Variants in SLC4A4 observed in about 807,000 individuals in gnomAD.
SLC4A4 encodes the protein solute carrier family 4 member 4.
SLC4A4 carries 27 observed loss-of-function variants against 111.5 expected under a neutral mutation model. The observed-to-expected ratio is 0.24, with a 90% CI of 0.18 to 0.33. The LOEUF is 0.33. Ranked by LOEUF, SLC4A4 falls within the 10% of genes least tolerant of loss-of-function variation. SLC4A4 has a pLI of 1.00. For synonymous variants in SLC4A4, 443 were observed against 463.4 expected (o/e 0.96, Z 0.57); for missense variants, 909 against 1,315.5 (o/e 0.69, Z 4.78).
At chr4:71,502,472 T>G (rs1731039563) in intron 16 of SLC4A4, among the ~76,000 whole-genome samples, 1 of 152,198 alleles carries the variant, frequency 6.6e-6, no homozygotes, top group Non-Finnish European at 1.5e-5. Flanking sequence ...TGCTATAAAT[T>G]TCACTCTTAG....
intron 6 of SLC4A4, among the ~76,000 whole-genome samples, chr4:71,392,347 T>C (rs1719368659): frequency 6.6e-6 from 1 of 152,092 alleles, no homozygotes; most frequent in South Asian, 2.1e-4. Context: ...TATGATAGTT[T>C]AGAGCAGTAG....
At chr4:71,476,698 T>C (rs1728402798) in intron 14 of SLC4A4, among the ~76,000 whole-genome samples, 1 of 151,750 alleles carries the variant, frequency 6.6e-6, no homozygotes, top group African/African-American at 2.4e-5. Context: ...CTTTTCTAAA[T>C]GCACTTTTTT....
chr4:71,338,803 A>G (rs1179219546), intron 3 of SLC4A4, among the ~76,000 whole-genome samples: 1 of 149,064 alleles, frequency 6.7e-6, no homozygotes, highest in African/African-American at 2.5e-5. Context: ...GGGTACTACC[A>G]TTCTGTAAAG....
At chr4:71,416,057 CTCTG>C (rs898259552) in intron 7 of SLC4A4, among the ~76,000 whole-genome samples, 1 of 152,210 alleles carries the variant, frequency 6.6e-6, no homozygotes, top group Non-Finnish European at 1.5e-5. Context: ...TTTCTTCTAG[CTCTG>C]TCTAATTCCA....
At chr4:71,485,839 T>C (rs947057066) in intron 14 of SLC4A4, among the ~76,000 whole-genome samples, 2 of 151,536 alleles carry the variant, frequency 1.3e-5, no homozygotes, top group Non-Finnish European at 1.5e-5. Context: ...AAACAAATAT[T>C]TTTGAGTTCC....
At chr4:71,489,527 G>A (rs887829282) in intron 15 of SLC4A4, among the ~76,000 whole-genome samples, 1 of 151,718 alleles carries the variant, frequency 6.6e-6, no homozygotes, top group African/African-American at 2.4e-5. Context: ...ATGGCATGTA[G>A]TCATCTCTCA....
rs188120706 is a variant in SLC4A4 at position 71,236,389 on chromosome 4, C to A, written c.-1-187C>A. 105 of 770,700 alleles carry A rather than the reference C, an allele frequency of 1.4e-4. No homozygotes were observed. The East Asian group carries it at 2.9e-3, about 22-fold the overall frequency. 47.7% of individuals were successfully genotyped at this position (770,700 alleles called of 1,614,324 possible). A position where few individuals can be genotyped will look rare whatever the true frequency, so the allele number is the denominator to read the frequency against. ...GGTTAGAACTGAAGCTATGTGGGAC[C>A]GGCATATTCTCGAGCACCAGATGAG... On this transcript the variant is annotated intron_variant, in intron 1 of 25. Transcript: ENST00000264485.
intron 3 of SLC4A4, among the ~76,000 whole-genome samples, chr4:71,292,067 T>TA (rs1211091595): frequency 2.0e-5 from 3 of 151,304 alleles, no homozygotes; most frequent in South Asian, 2.1e-4. Flanking sequence ...TTGTTGACTA[T>TA]AAAAAAAAAG....
chr4:71,300,934 G>T (rs1725201568), intron 3 of SLC4A4: 1 of 523,592 alleles, frequency 1.9e-6, no homozygotes, highest in African/African-American at 1.9e-5. Flanking sequence ...TAGATCACCA[G>T]GTTGTTGTTA....
intron 1 of SLC4A4, among the ~76,000 whole-genome samples, chr4:71,221,552 T>TA (rs933167301): frequency 2.3e-4 from 35 of 151,246 alleles, no homozygotes; most frequent in East Asian, 9.7e-4. Flanking sequence ...TCGTGGGTGT[T>TA]AAAAAAAAAC....
intron 3 of SLC4A4, among the ~76,000 whole-genome samples, chr4:71,327,857 A>G (rs1162782712): frequency 6.6e-6 from 1 of 151,970 alleles, no homozygotes; most frequent in Non-Finnish European, 1.5e-5. Context: ...TCTTTTAGTT[A>G]TATTAAAATG....
intron 2 of SLC4A4, among the ~76,000 whole-genome samples, chr4:71,131,312 G>T (rs1457989247): frequency 3.3e-5 from 5 of 152,072 alleles, no homozygotes; most frequent in Admixed American, 3.3e-4. Context: ...AAAGATGTTG[G>T]TTCTTTTATA....
At chr4:71,302,652 G>A (rs1445380204) in intron 3 of SLC4A4, among the ~76,000 whole-genome samples, 1 of 152,148 alleles carries the variant, frequency 6.6e-6, no homozygotes. Flanking sequence ...GAGGCACTAG[G>A]TCTTGAATGT....
At chr4:71,465,475 T>C (rs72650356) in intron 12 of SLC4A4, among the ~76,000 whole-genome samples, 14,171 of 149,234 alleles carry the variant, frequency 0.095, 1,204 homozygotes, top group East Asian at 0.45. Context: ...TGTCTATAGG[T>C]TGGTGCAAAA....
chr4:71,323,906 G>A (rs1483099445), intron 3 of SLC4A4, among the ~76,000 whole-genome samples: 2 of 151,888 alleles, frequency 1.3e-5, no homozygotes, highest in African/African-American at 4.8e-5. Flanking sequence ...CCTTGGGAAC[G>A]TTGGGAGTTG....
chr4:71,473,781 A>G (rs1728098783), intron 14 of SLC4A4, among the ~76,000 whole-genome samples: 1 of 151,958 alleles, frequency 6.6e-6, no homozygotes, highest in South Asian at 2.1e-4. Context: ...ATTCCATTTT[A>G]TAATATGAAA....
chr4:71,254,329 T>C (rs546636474), intron 2 of SLC4A4, among the ~76,000 whole-genome samples: 18 of 152,334 alleles, frequency 1.2e-4, no homozygotes, highest in East Asian at 3.9e-4. Context: ...TTTTGTCTTA[T>C]TAGATTTTGT....
intron 7 of SLC4A4, among the ~76,000 whole-genome samples, chr4:71,410,953 G>A (rs1022892716): frequency 2.0e-5 from 3 of 152,092 alleles, no homozygotes; most frequent in African/African-American, 4.8e-5. Flanking sequence ...TTTTTAAGCT[G>A]AGACCATAGA....
chr4:71,421,523 C>A (rs899833470), intron 7 of SLC4A4, among the ~76,000 whole-genome samples: 7 of 152,190 alleles, frequency 4.6e-5, no homozygotes, highest in South Asian at 2.1e-4. Flanking sequence ...CCCAAATCAA[C>A]AGAATATACA....
Sources: gnomAD v4.1 joint callset for allele counts (sites outside exome capture counted in the v4.1 genomes callset) on GRCh38, gnomAD v4.1.1 for gene constraint, MANE v1.5 for transcripts, NCBI Gene and HGNC (gene_info 2026-07-23, HGNC 2026-07-21) for gene names.